Variants in SSH1 observed in about 807,000 individuals in gnomAD.
SSH1 encodes protein phosphatase Slingshot homolog 1.
In SSH1, 43 loss-of-function variants were observed where a neutral mutation model predicts 79.7. The observed-to-expected ratio is 0.54, with a 90% CI of 0.42 to 0.70. The LOEUF (loss-of-function observed/expected upper bound fraction) is 0.70. SSH1 is among the 30% of genes least tolerant of loss of function. SSH1 has a pLI of 0.00. For missense variants in SSH1, 1,206 were observed against 1,358.8 expected (o/e 0.89, Z 1.77); for synonymous variants, 599 against 538.3 (o/e 1.11, Z -1.56).
chr12:108,837,322 A>T (rs774291686), intron 2 of SSH1, among the ~76,000 whole-genome samples: 1 of 152,220 alleles, frequency 6.6e-6, no homozygotes, highest in Non-Finnish European at 1.5e-5. Flanking sequence ...AAGAGACAGG[A>T]TAACTAGATG....
chr12:108,851,940 A>G (rs759887524), intron 2 of SSH1, among the ~76,000 whole-genome samples: 5 of 152,184 alleles, frequency 3.3e-5, no homozygotes, highest in Middle Eastern at 3.4e-3. Context: ...CGGGCACAGT[A>G]GCTCATGACT....
At chr12:108,826,375 C>T (rs2038308886) in intron 2 of SSH1, 1 of 319,818 alleles carries the variant, frequency 3.1e-6, no homozygotes, top group Non-Finnish European at 6.1e-6. Context: ...GCCTCTGTTC[C>T]CCCACGACAA....
At chr12:108,835,822 T>A (rs904551041) in intron 2 of SSH1, among the ~76,000 whole-genome samples, 2 of 148,410 alleles carry the variant, frequency 1.3e-5, no homozygotes, top group African/African-American at 4.9e-5. Flanking sequence ...ACATTAATGT[T>A]AATATTAATA....
chr12:108,820,733 A>G (rs1336406582), intron 3 of SSH1, among the ~76,000 whole-genome samples: 2 of 152,224 alleles, frequency 1.3e-5, no homozygotes, highest in African/African-American at 4.8e-5. Context: ...TCAGCTCTGC[A>G]CAGTGGTTAC....
intron 2 of SSH1, among the ~76,000 whole-genome samples, chr12:108,839,980 G>GA (rs969656255): frequency 1.3e-5 from 2 of 152,204 alleles, no homozygotes; most frequent in African/African-American, 4.8e-5. Context: ...TGGGCCCAGG[G>GA]TCAGACATGC....
At chr12:108,794,199 A>G (rs964481346) in intron 13 of SSH1, among the ~76,000 whole-genome samples, 1 of 152,228 alleles carries the variant, frequency 6.6e-6, no homozygotes, top group African/African-American at 2.4e-5. Flanking sequence ...GATATCTCCC[A>G]GGGAGGCCTG....
At chr12:108,856,568 G>A (rs59943555) in intron 1 of SSH1, among the ~76,000 whole-genome samples, 4,469 of 152,294 alleles carry the variant, frequency 0.029, 160 homozygotes, top group African/African-American at 0.083. Flanking sequence ...AAGGCTGCAC[G>A]CACAGACGTG....
chr12:108,812,027 T>C (rs1003569193), intron 5 of SSH1, among the ~76,000 whole-genome samples: 5 of 152,302 alleles, frequency 3.3e-5, no homozygotes, highest in African/African-American at 1.2e-4. Context: ...GGTCATGTTT[T>C]ATGTGTGCCC....
chr12:108,854,229 A>G (rs1593140917), intron 1 of SSH1, among the ~76,000 whole-genome samples: 2 of 152,356 alleles, frequency 1.3e-5, no homozygotes, highest in South Asian at 4.1e-4. Flanking sequence ...GGATCCCACA[A>G]CACACAGGAT....
At chr12:108,828,476 G>A (rs1268270374) in intron 2 of SSH1, among the ~76,000 whole-genome samples, 1 of 152,196 alleles carries the variant, frequency 6.6e-6, no homozygotes. Flanking sequence ...GCTCATGCCT[G>A]CCCAGGTGCC....
intron 3 of SSH1, among the ~76,000 whole-genome samples, chr12:108,819,286 C>CT (rs1259825533): frequency 5.3e-5 from 8 of 152,342 alleles, no homozygotes; most frequent in African/African-American, 1.9e-4. Flanking sequence ...CTGAACTTCT[C>CT]TGAGCTGCCC....
At chr12:108,840,489 T>C (rs886417574) in intron 2 of SSH1, among the ~76,000 whole-genome samples, 3 of 151,160 alleles carry the variant, frequency 2.0e-5, no homozygotes, top group Non-Finnish European at 2.9e-5. Flanking sequence ...GCCGAGATCG[T>C]GCCACTGCAC....
chr12:108,852,571 A>C (rs2039064454), intron 2 of SSH1, 67 bp downstream of exon 2: 2 of 1,591,436 alleles, frequency 1.3e-6, no homozygotes. Context: ...CCTTTGGGAG[A>C]GGAACAAGAG....
intron 6 of SSH1, among the ~76,000 whole-genome samples, chr12:108,810,532 A>G (rs897787411): frequency 2.6e-5 from 4 of 152,146 alleles, no homozygotes; most frequent in African/African-American, 9.7e-5. Context: ...AAAAAAGAGA[A>G]AAAAAAATTA....
chr12:108,840,915 C>G (rs2038761278), intron 2 of SSH1, among the ~76,000 whole-genome samples: 2 of 152,132 alleles, frequency 1.3e-5, no homozygotes, highest in Non-Finnish European at 2.9e-5. Context: ...CCAGCTAGAC[C>G]CCCATAAGCG....
chr12:108,788,532 C>A lies in SSH1; in HGVS notation c.2606G>T (p.Gly869Val). 1 of 1,567,188 alleles carries A rather than the reference C, an allele frequency of 6.4e-7. No individual in the cohort carries two copies. Among genetic ancestry groups the A allele is most frequent in the Non-Finnish European group, 8.6e-7 (1 of 1,156,896 alleles). ...SQDPAALHEL[G>V]PLVMPSQAGS... ...GGCCTGGCTGGGCATAACCAGGGGG[C>A]CCAGCTCGTGGAGCGCGGCTGGATC... is the stretch of plus-strand genomic sequence containing the variant. Residue 869 changes from glycine to valine, a missense_variant, in exon 15 of 15, where the codon GGC (glycine) becomes GTC (valine). By Grantham distance (109) the Gly-to-Val change is moderately radical (BLOSUM62 -3). This residue lies in a region of SSH1 where 709 missense variants were observed against 730.6 expected (regional missense o/e 0.97). Coordinates refer to ENST00000326495, the MANE Select transcript of SSH1 (RefSeq NM_018984.4).
At position 108,786,013 on chromosome 12, in the gene SSH1, A is replaced by G. The variant is rs1447074292; in HGVS notation, c.*1975T>C. 1 of 152,232 alleles carries G rather than the reference A, an allele frequency of 6.6e-6. No homozygotes were observed. The highest frequency in any genetic ancestry group is 1.5e-5 in the Non-Finnish European group (1 of 68,034). The allele number at this position is 152,232 out of a possible 1,614,324, so 9.4% of individuals were successfully genotyped here. A position where few individuals can be genotyped will look rare whatever the true frequency, so the allele number is the denominator to read the frequency against. ...ATAAAGTAATGTATGTATTTTTAAA[A>G]ATCACTCCAAGGAGACAAAGTCCTG... On this transcript the variant is annotated 3_prime_UTR_variant, in exon 15 of 15. Coordinates refer to ENST00000326495, the MANE Select transcript of SSH1 (RefSeq NM_018984.4).
chr12:108,817,225 A>G (rs774946026), intron 4 of SSH1, 66 bp from the exon 5 acceptor site: 31 of 1,600,796 alleles, frequency 1.9e-5, no homozygotes, highest in African/African-American at 4.0e-5. Flanking sequence ...CCCATCTCCA[A>G]TGCAAGATCA....
chr12:108,812,443 C>G (rs1368044292), intron 5 of SSH1, among the ~76,000 whole-genome samples: 1 of 152,208 alleles, frequency 6.6e-6, no homozygotes, highest in African/African-American at 2.4e-5. Flanking sequence ...ACAACCCTCA[C>G]CAGGAACTCA....
Sources: gnomAD v4.1 joint callset for allele counts (sites outside exome capture counted in the v4.1 genomes callset) on GRCh38, gnomAD v4.1.1 for gene constraint, gnomAD v4.1.1 regional missense constraint, MANE v1.5 for transcripts, NCBI Gene and HGNC (gene_info 2026-07-23, HGNC 2026-07-21) for gene names.